The following PDE1A variants were observed in gnomAD, a reference collection of about 807,000 sequenced individuals.
PDE1A encodes the protein dual specificity calcium/calmodulin-dependent 3',5'-cyclic nucleotide phosphodiesterase 1A.
Under a neutral mutation model 61.7 loss-of-function variants are expected in PDE1A, and 35 were observed. The observed-to-expected ratio is 0.57, with a 90% CI of 0.43 to 0.75. The LOEUF is 0.75. Ranked by LOEUF, PDE1A falls within the 30% of genes least tolerant of loss-of-function variation. The probability of loss-of-function intolerance (pLI) is 0.00; values close to 1 mark genes in which losing one functional copy is unlikely to be tolerated. For missense variants in PDE1A, 597 were observed against 630.6 expected (o/e 0.95, Z 0.57); for synonymous variants, 232 against 213.2 (o/e 1.09, Z -0.77).
At chr2:182,381,632 T>C (rs947194158) in intron 1 of PDE1A, among the ~76,000 whole-genome samples, 1 of 151,802 alleles carries the variant, frequency 6.6e-6, no homozygotes, top group African/African-American at 2.4e-5. Flanking sequence ...GCCAACAGGG[T>C]GAAACTCCAT....
the PDE1A span, among the ~76,000 whole-genome samples, chr2:182,529,185 G>A: frequency 6.6e-6 from 1 of 152,210 alleles, no homozygotes; most frequent in African/African-American, 2.4e-5. Flanking sequence ...CAGCTGGGAG[G>A]GAGGCTATAA....
At chr2:182,511,244 A>G (rs1186297100) in intron 2 of PDE1A, among the ~76,000 whole-genome samples, 1 of 151,906 alleles carries the variant, frequency 6.6e-6, no homozygotes, top group Non-Finnish European at 1.5e-5. Flanking sequence ...TCACCAAGAG[A>G]CCAGACCATC....
At chr2:182,155,467 T>A (rs1691026358) in intron 13 of PDE1A, among the ~76,000 whole-genome samples, 1 of 152,182 alleles carries the variant, frequency 6.6e-6, no homozygotes, top group Non-Finnish European at 1.5e-5. Flanking sequence ...TTCTTCTATC[T>A]GACTAAATAT....
At chr2:182,182,025 C>T (rs916740902) in intron 13 of PDE1A, among the ~76,000 whole-genome samples, 3 of 152,100 alleles carry the variant, frequency 2.0e-5, no homozygotes, top group African/African-American at 7.2e-5. Flanking sequence ...CTGTTTTTTA[C>T]ACTTTATTTT....
intron 1 of PDE1A, among the ~76,000 whole-genome samples, chr2:182,328,337 T>C (rs112235255): frequency 0.011 from 1,699 of 152,292 alleles, 24 homozygotes; most frequent in South Asian, 0.069. Flanking sequence ...TGTGAATCAT[T>C]TAAAAGTTCA....
chr2:182,292,284 T>C (rs183611599), intron 1 of PDE1A, among the ~76,000 whole-genome samples: 2 of 152,202 alleles, frequency 1.3e-5, no homozygotes, highest in East Asian at 1.9e-4. Context: ...TGTTGACCTA[T>C]ATTTTATGCC....
At chr2:182,447,448 T>G (rs1685219693) in intron 2 of PDE1A, among the ~76,000 whole-genome samples, 1 of 152,030 alleles carries the variant, frequency 6.6e-6, no homozygotes, top group Non-Finnish European at 1.5e-5. Flanking sequence ...GAGGAGCCCT[T>G]TTTGCTGATG....
chr2:182,539,030 G>A, the PDE1A span, among the ~76,000 whole-genome samples: 1 of 152,088 alleles, frequency 6.6e-6, no homozygotes, highest in Non-Finnish European at 1.5e-5. Context: ...AAGGTTTTGA[G>A]CTCTGATTTA....
the PDE1A span, among the ~76,000 whole-genome samples, chr2:182,624,785 C>T: frequency 6.6e-6 from 1 of 152,180 alleles, no homozygotes; most frequent in African/African-American, 2.4e-5. Flanking sequence ...GGCCAGATAC[C>T]AGACAACCAA....
At chr2:182,697,728 AC>A in the PDE1A span, among the ~76,000 whole-genome samples, 15 of 152,354 alleles carry the variant, frequency 9.8e-5, no homozygotes, top group African/African-American at 3.6e-4. Context: ...CAGATCAGTG[AC>A]ACTTGGATTC....
chr2:182,188,738 T>G (rs1317483266), intron 11 of PDE1A, among the ~76,000 whole-genome samples: 4 of 152,244 alleles, frequency 2.6e-5, no homozygotes, highest in Non-Finnish European at 4.4e-5. Context: ...TTTTATATTT[T>G]GTAAAAGGAT....
the PDE1A span, among the ~76,000 whole-genome samples, chr2:182,708,191 A>C: frequency 6.6e-6 from 1 of 152,046 alleles, no homozygotes; most frequent in Non-Finnish European, 1.5e-5. Context: ...CCCCAGATTC[A>C]AATTCCAGTT....
At chr2:182,404,902 A>G (rs1450803708) in intron 1 of PDE1A, among the ~76,000 whole-genome samples, 1 of 152,234 alleles carries the variant, frequency 6.6e-6, no homozygotes, top group Non-Finnish European at 1.5e-5. Context: ...GGAATACTCT[A>G]TAAAATAACA....
chr2:182,657,046 A>C, the PDE1A span, among the ~76,000 whole-genome samples: 1 of 152,084 alleles, frequency 6.6e-6, no homozygotes, highest in Admixed American at 6.5e-5. Context: ...AACATGGTGA[A>C]ACCCCCTCTC....
chr2:182,490,395 G>A (rs556100636), intron 2 of PDE1A, among the ~76,000 whole-genome samples: 11 of 152,206 alleles, frequency 7.2e-5, no homozygotes, highest in South Asian at 2.1e-4. Context: ...TTTTTGAGAC[G>A]GAGTCTCGCT....
chr2:182,519,941 A>ACT (rs1690462305), intron 2 of PDE1A, among the ~76,000 whole-genome samples: 1 of 151,942 alleles, frequency 6.6e-6, no homozygotes, highest in Non-Finnish European at 1.5e-5. Flanking sequence ...TTTAAAAATC[A>ACT]CTTTCTAAAC....
At chr2:182,232,526 A>G (rs1446498344) in intron 4 of PDE1A, among the ~76,000 whole-genome samples, 2 of 152,232 alleles carry the variant, frequency 1.3e-5, no homozygotes, top group Non-Finnish European at 2.9e-5. Context: ...TCCTTCAAAA[A>G]ATAATAGTAA....
At chr2:182,576,987 A>G in the PDE1A span, among the ~76,000 whole-genome samples, 1 of 152,178 alleles carries the variant, frequency 6.6e-6, no homozygotes, top group Non-Finnish European at 1.5e-5. Context: ...AATATTAACC[A>G]TATCAGATAT....
At chr2:182,383,802 C>T (rs958699495) in intron 1 of PDE1A, among the ~76,000 whole-genome samples, 4 of 152,164 alleles carry the variant, frequency 2.6e-5, no homozygotes, top group African/African-American at 9.7e-5. Flanking sequence ...CATCATTCTT[C>T]CCCAACCCCA....
Sources: allele counts gnomAD v4.1 joint callset (sites outside exome capture counted in the v4.1 genomes callset), GRCh38; gene constraint gnomAD v4.1.1; transcripts MANE v1.5; gene names NCBI Gene and HGNC (gene_info 2026-07-23, HGNC 2026-07-21).